The following PCDHA4 variants were observed in gnomAD, a reference collection of about 807,000 sequenced individuals.
PCDHA4 encodes protocadherin alpha-4.
Under a neutral mutation model 61.4 loss-of-function variants are expected in PCDHA4, and 49 were observed. The ratio of observed to expected loss-of-function variants is 0.80; its 90% CI spans 0.63 to 1.01. The LOEUF (loss-of-function observed/expected upper bound fraction) is 1.01. Ranked by LOEUF, PCDHA4 falls within the 50% of genes least tolerant of loss-of-function variation. The probability of loss-of-function intolerance (pLI) is 0.00; values close to 1 mark genes in which losing one functional copy is unlikely to be tolerated. For synonymous variants in PCDHA4, 590 were observed against 550.3 expected, an observed-to-expected ratio of 1.07 and a Z score of -1.01; for missense variants, 1,254 against 1,235.8, an observed-to-expected ratio of 1.01 and a Z score of -0.22.
chr5:140,835,961 G>A (rs2150249175), intron 1 of PCDHA4: 1 of 1,613,162 alleles, frequency 6.2e-7, no homozygotes, highest in Admixed American at 1.7e-5. Context: ...TGGACCACGA[G>A]GAGCTGGAGC....
intron 3 of PCDHA4, among the ~76,000 whole-genome samples, chr5:140,985,090 A>C (rs1214396432): frequency 6.6e-6 from 1 of 152,076 alleles, no homozygotes; most frequent in Non-Finnish European, 1.5e-5. Context: ...GGCGTGTGCC[A>C]CCAAGCCTGG....
chr5:140,947,100 T>C (rs782585215), intron 1 of PCDHA4, among the ~76,000 whole-genome samples: 16 of 151,438 alleles, frequency 1.1e-4, no homozygotes, highest in Non-Finnish European at 2.1e-4. Context: ...AGCCCATAAA[T>C]AGGTACGTGT....
In PCDHA4 at chr5:140,998,188, AG is replaced by A. The variant is rs375338994; in HGVS notation, c.2534-11438del. On this transcript the variant is annotated intron_variant, in intron 3 of 3. Transcript: ENST00000530339. ...CAAGTATTATTCTAAGCACTTTACAAGTATTAACTCCTTTAATCTGTATAAC... is the reference window on the plus strand; with the variant it reads ...CAAGTATTATTCTAAGCACTTTACAATATTAACTCCTTTAATCTGTATAAC... Among the ~76,000 whole-genome samples, 972 of 152,318 alleles carry A rather than the reference AG, an allele frequency of 6.4e-3. 14 individuals are homozygous for A. Among genetic ancestry groups the A allele is most frequent in the African/African-American group, 0.023 (946 of 41,556 alleles).
At chr5:140,928,830 TTCC>T in intron 1 of PCDHA4, 1 of 1,614,124 alleles carries the variant, frequency 6.2e-7, no homozygotes, top group Non-Finnish European at 8.5e-7. Flanking sequence ...ACCCACCACT[TTCC>T]TCCTCTGTCA....
intron 1 of PCDHA4, among the ~76,000 whole-genome samples, chr5:140,874,106 T>C (rs1554167018): frequency 1.3e-5 from 2 of 152,266 alleles, no homozygotes; most frequent in African/African-American, 4.8e-5. Flanking sequence ...TTTTAATTAC[T>C]TAACGTTTTA....
Position 140,900,863 on chromosome 5 carries a change from G to A in PCDHA4, c.2386-78086G>A, listed in dbSNP as rs116648446. 4.1e-3 allele frequency among the ~76,000 whole-genome samples: 626 copies of A among 152,044 alleles called. 2 individuals are homozygous for A. Among genetic ancestry groups the A allele is most frequent in the African/African-American group, 0.014 (595 of 41,452 alleles). Reference sequence around the variant, plus strand: ...AGTTTCCCTTTTTTTCACCTCTCCAGCATTTTTTATTGCCTGTCATTTGGA... The same window carrying A: ...AGTTTCCCTTTTTTTCACCTCTCCAACATTTTTTATTGCCTGTCATTTGGA... On this transcript the variant is annotated intron_variant, in intron 1 of 3. Transcript: ENST00000530339.
intron 1 of PCDHA4, among the ~76,000 whole-genome samples, chr5:140,831,508 C>A (rs2150108067): frequency 6.9e-6 from 1 of 145,360 alleles, no homozygotes; most frequent in Admixed American, 7.1e-5. Context: ...CGAGCACCAC[C>A]ATGCCCCCCA....
At chr5:140,844,109 T>A (rs1779229208) in intron 1 of PCDHA4, among the ~76,000 whole-genome samples, 1 of 149,768 alleles carries the variant, frequency 6.7e-6, no homozygotes, top group Non-Finnish European at 1.5e-5. Flanking sequence ...CCATATGCTG[T>A]ACTTTGAAAT....
intron 1 of PCDHA4, among the ~76,000 whole-genome samples, chr5:140,920,717 G>A (rs1042476401): frequency 1.3e-5 from 2 of 152,044 alleles, no homozygotes; most frequent in African/African-American, 2.4e-5. Flanking sequence ...GGTGGTGTGC[G>A]CCTGCAGTCC....
At chr5:140,875,707 C>T in intron 1 of PCDHA4, 1 of 1,614,166 alleles carries the variant, frequency 6.2e-7, no homozygotes. Flanking sequence ...GGAGGTAAAT[C>T]TGCAGAATGG....
At chr5:140,867,147 C>G (rs1554160998) in intron 1 of PCDHA4, 1 of 152,068 alleles carries the variant, frequency 6.6e-6, no homozygotes, top group Non-Finnish European at 1.5e-5. Flanking sequence ...TATCATTTTT[C>G]CAGAGTAAAC....
chr5:140,924,996 T>G (rs960105846), intron 1 of PCDHA4, among the ~76,000 whole-genome samples: 1 of 151,078 alleles, frequency 6.6e-6, no homozygotes, highest in African/African-American at 2.4e-5. Flanking sequence ...ATCCTAGCAC[T>G]TTAGGAGGCT....
Position 140,808,717 on chromosome 5 carries a change from G to A in PCDHA4, c.1530G>A (p.Val510=), listed in dbSNP as rs1554124714. The A allele has an allele frequency of 1.2e-6, 2 of 1,612,114 alleles. No individual in the cohort carries two copies. Among genetic ancestry groups the A allele is most frequent in the African/African-American group, 1.3e-5 (1 of 74,894 alleles). The part of the protein sequence containing the change: ...GERALSSYVS[V]HAESGKVYAL... ...GCGCGCTGTCGAGCTACGTTTCGGT[G>A]CATGCGGAGAGCGGCAAGGTGTACG... The change falls in exon 1 of 4, where the codon GTG becomes GTA. Residue 510 remains valine, a synonymous_variant. Transcript: ENST00000530339.
intron 1 of PCDHA4, among the ~76,000 whole-genome samples, chr5:140,918,282 C>CT (rs1554198523): frequency 6.6e-6 from 1 of 152,016 alleles, no homozygotes; most frequent in African/African-American, 2.4e-5. Context: ...GATGTAGGAG[C>CT]TTTTTGGCAG....
intron 1 of PCDHA4, chr5:140,829,216 C>A (rs2150164003): frequency 1.2e-6 from 2 of 1,614,238 alleles, no homozygotes; most frequent in East Asian, 4.5e-5. Context: ...TTAGCGTGAA[C>A]GACCTCGATT....
chr5:140,990,686 G>A (rs1391341936), intron 3 of PCDHA4, among the ~76,000 whole-genome samples: 1 of 152,124 alleles, frequency 6.6e-6, no homozygotes, highest in Admixed American at 6.5e-5. Context: ...AGCTGCTTTC[G>A]GAGAGTCCAG....
intron 1 of PCDHA4, among the ~76,000 whole-genome samples, chr5:140,920,261 A>T (rs535022961): frequency 3.3e-4 from 50 of 152,226 alleles, no homozygotes; most frequent in Non-Finnish European, 2.8e-4. Context: ...TATAATAATT[A>T]TTACTTTATG....
rs1358693370 is a variant in PCDHA4, at chr5:140,846,736, G to C, written c.2385+37164G>C. 1.3e-5 allele frequency among the ~76,000 whole-genome samples: 2 copies of C among 149,142 alleles called. 1 individual carries two copies. Among genetic ancestry groups the C allele is most frequent in the Non-Finnish European group, 3.0e-5 (2 of 66,802 alleles). On this transcript the variant is annotated intron_variant, in intron 1 of 3. Coordinates refer to ENST00000530339, the MANE Select transcript of PCDHA4 (RefSeq NM_018907.4). ...ACCAGTCTTCATTAAACATTAAATA[G>C]GACCCTTACAGATCTCTAACAGCAT...
intron 1 of PCDHA4, chr5:140,841,826 A>T: frequency 6.2e-7 from 1 of 1,613,900 alleles, no homozygotes; most frequent in Non-Finnish European, 8.5e-7. Flanking sequence ...CTCCGTGTTA[A>T]CCTACAGGCT....
Sources: allele counts gnomAD v4.1 joint callset (sites outside exome capture counted in the v4.1 genomes callset), GRCh38; gene constraint gnomAD v4.1.1; transcripts MANE v1.5; gene names NCBI Gene and HGNC (gene_info 2026-07-23, HGNC 2026-07-21).